The following TPRG1 variants were observed in gnomAD, a reference collection of about 807,000 sequenced individuals.
TPRG1 encodes tumor protein p63-regulated gene 1 protein.
In TPRG1, 29 loss-of-function variants were observed where a neutral mutation model predicts 29.3. The observed-to-expected ratio is 0.99, with a 90% confidence interval of 0.74 to 1.35. TPRG1 has a LOEUF of 1.35. TPRG1 is among the 40% of genes most tolerant of loss of function. The pLI is 0.00. For missense variants in TPRG1, 327 were observed against 335.0 expected (o/e 0.98, Z 0.19); for synonymous variants, 130 against 116.8 (o/e 1.11, Z -0.73).
chr3:189,258,306 C>G (rs1056223784), intron 4 of TPRG1, among the ~76,000 whole-genome samples: 2 of 152,090 alleles, frequency 1.3e-5, no homozygotes, highest in Non-Finnish European at 2.9e-5. Context: ...ACTCCAGACC[C>G]TGTTTGCCTG....
chr3:189,183,348 C>T (rs1730493890), intron 1 of TPRG1, among the ~76,000 whole-genome samples: 2 of 152,060 alleles, frequency 1.3e-5, no homozygotes, highest in African/African-American at 4.8e-5. Context: ...CAAATGGAGG[C>T]AGGGCAAGAT....
chr3:189,286,513 C>T (rs1184503878), intron 4 of TPRG1, among the ~76,000 whole-genome samples: 7 of 152,034 alleles, frequency 4.6e-5, no homozygotes, highest in African/African-American at 1.7e-4. Flanking sequence ...CATATTACCT[C>T]CTACTTCCAG....
At chr3:189,318,759 T>C (rs866140893) in intron 5 of TPRG1, among the ~76,000 whole-genome samples, 5 of 152,160 alleles carry the variant, frequency 3.3e-5, no homozygotes, top group South Asian at 2.1e-4. Flanking sequence ...ATAAATTATA[T>C]GTACCCACCC....
intron 3 of TPRG1, among the ~76,000 whole-genome samples, chr3:189,223,686 A>G (rs1052992917): frequency 6.6e-6 from 1 of 152,160 alleles, no homozygotes; most frequent in African/African-American, 2.4e-5. Flanking sequence ...CATCAGTTAC[A>G]AGCTATCTGG....
intron 3 of TPRG1, among the ~76,000 whole-genome samples, chr3:189,019,401 G>A (rs1282628284): frequency 3.3e-5 from 5 of 152,100 alleles, no homozygotes; most frequent in African/African-American, 4.8e-5. Context: ...TTTGAAATAC[G>A]TCCCATCAAT....
chr3:189,271,421 A>G (rs1038647564), intron 4 of TPRG1, among the ~76,000 whole-genome samples: 1 of 152,174 alleles, frequency 6.6e-6, no homozygotes, highest in African/African-American at 2.4e-5. Context: ...TATATGTCTA[A>G]CTTAAGCTTG....
intron 4 of TPRG1, among the ~76,000 whole-genome samples, chr3:189,250,793 T>C (rs1742122185): frequency 6.8e-6 from 1 of 147,484 alleles, no homozygotes; most frequent in South Asian, 2.2e-4. Context: ...TAGTACCCAC[T>C]CGCTGTAGGT....
intron 4 of TPRG1, among the ~76,000 whole-genome samples, chr3:189,053,841 C>T (rs762984544): frequency 6.6e-6 from 1 of 152,156 alleles, no homozygotes; most frequent in African/African-American, 2.4e-5. Context: ...GTTAGGTCAT[C>T]GCCCTGGATT....
chr3:189,222,292 A>C (rs1371774178), intron 3 of TPRG1, among the ~76,000 whole-genome samples: 2 of 152,208 alleles, frequency 1.3e-5, no homozygotes, highest in Non-Finnish European at 2.9e-5. Flanking sequence ...CTGCTAAACT[A>C]ATCATATAAT....
At chr3:189,029,396 C>T (rs1335891231) in intron 4 of TPRG1, among the ~76,000 whole-genome samples, 3 of 152,112 alleles carry the variant, frequency 2.0e-5, no homozygotes, top group African/African-American at 7.2e-5. Context: ...AAATTAACAT[C>T]AATAGAGATG....
intron 4 of TPRG1, among the ~76,000 whole-genome samples, chr3:189,059,485 G>C (rs977524201): frequency 7.9e-5 from 12 of 152,066 alleles, no homozygotes; most frequent in African/African-American, 2.9e-4. Flanking sequence ...CCAGCTACTT[G>C]AGAGGCTGAG....
intron 3 of TPRG1, among the ~76,000 whole-genome samples, chr3:189,235,234 T>TTTTC (rs1553928312): frequency 6.7e-6 from 1 of 148,476 alleles, no homozygotes; most frequent in Non-Finnish European, 1.5e-5. Flanking sequence ...TTTTTTTTTT[T>TTTTC]CCAAAGGATC....
intron 1 of TPRG1, among the ~76,000 whole-genome samples, chr3:189,205,173 G>A (rs1012512277): frequency 3.3e-5 from 5 of 152,184 alleles, no homozygotes; most frequent in Non-Finnish European, 5.9e-5. Context: ...GACCCTGGGT[G>A]GTTCCCATCT....
At chr3:189,155,132 G>A (rs753884871) in intron 5 of TPRG1, among the ~76,000 whole-genome samples, 54 of 152,226 alleles carry the variant, frequency 3.5e-4, no homozygotes, top group African/African-American at 1.2e-3. Flanking sequence ...AGGGGGAGCC[G>A]CAGGAGGAAA....
At chr3:189,027,454 T>G (rs1049283271) in intron 4 of TPRG1, among the ~76,000 whole-genome samples, 14 of 152,224 alleles carry the variant, frequency 9.2e-5, no homozygotes, top group Admixed American at 7.2e-4. Flanking sequence ...TGCATTCAAC[T>G]TGAACAACCA....
intron 4 of TPRG1, among the ~76,000 whole-genome samples, chr3:189,262,225 T>TAAGTATAAGTATAA (rs1490196983): frequency 6.6e-6 from 1 of 151,076 alleles, no homozygotes; most frequent in African/African-American, 2.5e-5. Flanking sequence ...AGTATAAGTA[T>TAAGTATAAGTATAA]AAGTATAAGT....
At chr3:189,053,762 A>G (rs1330009565) in intron 4 of TPRG1, among the ~76,000 whole-genome samples, 1 of 152,010 alleles carries the variant, frequency 6.6e-6, no homozygotes, top group Non-Finnish European at 1.5e-5. Flanking sequence ...CCTAGACTGA[A>G]CCCTGGTGTT....
At chr3:189,033,660 A>C (rs140077070) in intron 4 of TPRG1, among the ~76,000 whole-genome samples, 3,001 of 151,674 alleles carry the variant, frequency 0.02, 45 homozygotes, top group Admixed American at 0.03. Context: ...GCTCCCTGCA[A>C]GCTCCACCTC....
At chr3:189,110,519 G>A (rs1720381588) in intron 1 of TPRG1, among the ~76,000 whole-genome samples, 1 of 151,888 alleles carries the variant, frequency 6.6e-6, no homozygotes, top group Non-Finnish European at 1.5e-5. Context: ...GGTATCTTTT[G>A]AAGAGCAAAA....
Sources: gnomAD v4.1 joint callset for allele counts (sites outside exome capture counted in the v4.1 genomes callset) on GRCh38, gnomAD v4.1.1 for gene constraint, MANE v1.5 for transcripts, NCBI Gene and HGNC (gene_info 2026-07-23, HGNC 2026-07-21) for gene names.